CRACR2A: variants seen among roughly 807,000 people sequenced by gnomAD.
CRACR2A encodes calcium release activated channel regulator 2A.
Under a neutral mutation model 90.5 loss-of-function variants are expected in CRACR2A, and 79 were observed. The observed-to-expected ratio is 0.87, with a 90% CI of 0.73 to 1.05. The LOEUF is 1.05. CRACR2A is among the 50% of genes least tolerant of loss of function. CRACR2A has a pLI of 0.00. For missense variants in CRACR2A, 823 were observed against 897.2 expected (o/e 0.92, Z 1.06); for synonymous variants, 338 against 356.7 (o/e 0.95, Z 0.59).
intron 14 of CRACR2A, among the ~76,000 whole-genome samples, chr12:3,636,276 G>A (rs755981095): frequency 3.9e-5 from 6 of 152,192 alleles, no homozygotes; most frequent in Non-Finnish European, 8.8e-5. Context: ...TGTATGGCAC[G>A]GCCTGCCTTG....
In CRACR2A at chr12:3,748,757, T is replaced by A. The variant is rs372808599; in HGVS notation, c.-387+4258A>T. ...CACCTGAGGCCAAGACTCAGCACTG[T>A]GTACAAGGTGTGGAGCCTGTAGAGG... On this transcript the variant is annotated intron_variant, in intron 1 of 19. Transcript: ENST00000440314. Among the ~76,000 whole-genome samples, 12 of 152,292 alleles carry A rather than the reference T, an allele frequency of 7.9e-5. 1 individual carries two copies. The highest frequency in any genetic ancestry group is 3.9e-4 in the East Asian group (2 of 5,182).
At chr12:3,706,972 GAACT>G (rs1277942663) in intron 3 of CRACR2A, among the ~76,000 whole-genome samples, 8 of 152,034 alleles carry the variant, frequency 5.3e-5, no homozygotes, top group African/African-American at 1.9e-4. Flanking sequence ...ATAATAAAAT[GAACT>G]AATAAAAGAA....
At chr12:3,621,935 A>ACAGT (rs1330440305) in intron 17 of CRACR2A, among the ~76,000 whole-genome samples, 2 of 152,004 alleles carry the variant, frequency 1.3e-5, no homozygotes, top group Non-Finnish European at 2.9e-5. Context: ...GCTAACTATC[A>ACAGT]CAGTCAGTCA....
intron 17 of CRACR2A, among the ~76,000 whole-genome samples, chr12:3,619,630 C>A (rs1204643216): frequency 6.6e-6 from 1 of 152,198 alleles, no homozygotes; most frequent in Non-Finnish European, 1.5e-5. Flanking sequence ...ACCGCTCCCC[C>A]TTCACGATGC....
rs751004818 is a variant in CRACR2A at position 3,633,581 on chromosome 12, C to T, written c.1735+23G>A. 7.8e-4 allele frequency: 1,215 copies of T among 1,551,604 alleles called. 1 individual carries two copies. The highest frequency in any genetic ancestry group is 1.7e-3 in the South Asian group (141 of 84,046). ...CCCTTCCCAAAGATGGGCCTAGGACCCACCTCAGGGATGAGAACTCACCCA... is the reference window on the plus strand; with the variant it reads ...CCCTTCCCAAAGATGGGCCTAGGACTCACCTCAGGGATGAGAACTCACCCA... On this transcript the variant is annotated intron_variant, in intron 15 of 19. Transcript: ENST00000440314. The surrounding 1 kb of genome is among the most constrained non-coding windows in gnomAD (Gnocchi z 4.5).
intron 2 of CRACR2A, among the ~76,000 whole-genome samples, chr12:3,723,369 G>A (rs191932856): frequency 6.6e-6 from 1 of 152,176 alleles, no homozygotes; most frequent in African/African-American, 2.4e-5. Context: ...TGGCCAGTTA[G>A]TGTCAGATTT....
rs555956376 is a variant in CRACR2A at position 3,619,797 on chromosome 12, C to G, written c.1933-425G>C. Among the ~76,000 whole-genome samples, 3 of 152,334 alleles carry G rather than the reference C, an allele frequency of 2.0e-5. No homozygotes were observed. In the South Asian group the frequency reaches 6.2e-4, roughly 32 times the overall value. ...GTCCGATGGACCAAGGCCATGAATG[C>G]CCCATGGTTTGGAGTTGTTCTGGAG... On this transcript the variant is annotated intron_variant, in intron 17 of 19. Transcript: ENST00000440314.
intron 10 of CRACR2A, among the ~76,000 whole-genome samples, chr12:3,650,853 T>C (rs1039835266): frequency 6.6e-6 from 1 of 152,218 alleles, no homozygotes; most frequent in African/African-American, 2.4e-5. Context: ...TAGAAATACA[T>C]GTGAATACAG....
At position 3,631,902 on chromosome 12, in the gene CRACR2A, A is replaced by C. The variant is rs12300072; in HGVS notation, c.1735+1702T>G. On this transcript the variant is annotated intron_variant, in intron 15 of 19. Coordinates refer to ENST00000440314, the MANE Select transcript of CRACR2A (RefSeq NM_001144958.2). ...GTAGAACCAGCTTGTCACACAGCCA[A>C]AGGTTGAAGATGGTTGAGTCAGAGA... Among the ~76,000 whole-genome samples, 979 of 152,180 alleles carry C rather than the reference A, an allele frequency of 6.4e-3. 12 individuals are homozygous for C. The highest frequency in any genetic ancestry group is 0.022 in the African/African-American group (894 of 41,508).
chr12:3,708,949 G>C lies in CRACR2A; in HGVS notation c.-37+4288C>G, dbSNP rs74055987. Among the ~76,000 whole-genome samples the C allele has an allele frequency of 5.6e-3, 852 of 152,276 alleles. 11 individuals carry two copies. The highest frequency in any genetic ancestry group is 0.019 in the African/African-American group (803 of 41,550). On this transcript the variant is annotated intron_variant, in intron 3 of 19. Transcript: ENST00000440314. ...TAACTCTTAGCACTCTATTCTCAAAGCCTCTCTTTCTCTTGGATTATGATG... is the reference window on the plus strand; with the variant it reads ...TAACTCTTAGCACTCTATTCTCAAACCCTCTCTTTCTCTTGGATTATGATG...
chr12:3,616,876 A>T (rs1360681505), intron 19 of CRACR2A, 78 bp downstream of exon 19: 5 of 1,173,338 alleles, frequency 4.3e-6, no homozygotes, highest in Non-Finnish European at 6.2e-6. Flanking sequence ...GCCTGGGTGG[A>T]GGGAAACACG....
At chr12:3,660,781 G>C (rs978854199) in intron 7 of CRACR2A, among the ~76,000 whole-genome samples, 4 of 149,214 alleles carry the variant, frequency 2.7e-5, no homozygotes, top group Admixed American at 1.3e-4. Flanking sequence ...GAAACTTCAG[G>C]CTCTGTGAAC....
intron 4 of CRACR2A, among the ~76,000 whole-genome samples, chr12:3,696,566 G>A (rs71582874): frequency 5.8e-4 from 89 of 152,264 alleles, no homozygotes; most frequent in Non-Finnish European, 1.1e-3. Flanking sequence ...AAATAGCCCT[G>A]GAATCTGACA....
chr12:3,696,785 C>T lies in CRACR2A; in HGVS notation c.215G>A (p.Arg72Lys). 1.9e-6 allele frequency: 3 copies of T among 1,614,208 alleles called. No individual in the cohort carries two copies. The highest frequency in any genetic ancestry group is 1.3e-5 in the African/African-American group (1 of 75,060). The change falls in exon 4 of 20, where the codon AGG (arginine) becomes AAG (lysine). Residue 72 changes from arginine to lysine, a missense_variant. Physicochemically the swap from Arg to Lys is conservative, Grantham distance 26. Transcript: ENST00000440314. The part of the protein sequence containing the change: ...CDAEGKGFIA[R>K]KDMQRLHKEL... ...GACCCCACTTACCTGCATATCCTTCCTGGCGATGAAGCCCTTGCCTTCAGC... is the reference window on the plus strand; with the variant it reads ...GACCCCACTTACCTGCATATCCTTCTTGGCGATGAAGCCCTTGCCTTCAGC...
At chr12:3,748,756 G>A (rs1946660687) in intron 1 of CRACR2A, among the ~76,000 whole-genome samples, 1 of 152,202 alleles carries the variant, frequency 6.6e-6, no homozygotes, top group South Asian at 2.1e-4. Flanking sequence ...ACTCAGCACT[G>A]TGTACAAGGT....
chr12:3,676,198 G>A (rs1344444870), intron 6 of CRACR2A, among the ~76,000 whole-genome samples: 1 of 152,180 alleles, frequency 6.6e-6, no homozygotes, highest in African/African-American at 2.4e-5. Flanking sequence ...TGGATGTCAT[G>A]GGTGAATCTG....
chr12:3,664,433 T>C (rs1945091410), intron 7 of CRACR2A, among the ~76,000 whole-genome samples: 2 of 151,094 alleles, frequency 1.3e-5, no homozygotes, highest in East Asian at 2.1e-4. Context: ...GTCTAAAGTC[T>C]TTTTTTTTAT....
intron 4 of CRACR2A, among the ~76,000 whole-genome samples, chr12:3,692,835 C>G (rs963668594): frequency 1.3e-5 from 2 of 152,160 alleles, no homozygotes; most frequent in Non-Finnish European, 2.9e-5. Context: ...GGGTGAGGCA[C>G]TGGCTAGTGC....
chr12:3,692,853 C>T (rs1031985510), intron 4 of CRACR2A, among the ~76,000 whole-genome samples: 7 of 152,102 alleles, frequency 4.6e-5, no homozygotes, highest in African/African-American at 1.4e-4. Context: ...TGCAAGTCTA[C>T]GTGCACTCTC....
Sources: gnomAD v4.1 joint callset for allele counts (sites outside exome capture counted in the v4.1 genomes callset) on GRCh38, gnomAD v4.1.1 for gene constraint, Gnocchi (gnomAD v3.1) non-coding constraint, MANE v1.5 for transcripts, NCBI Gene and HGNC (gene_info 2026-07-23, HGNC 2026-07-21) for gene names.